HIPK2: variants seen among roughly 807,000 people sequenced by gnomAD.
HIPK2 encodes homeodomain interacting protein kinase 2, also known as homeodomain-interacting protein kinase 2.
A neutral mutation model predicts 113.7 loss-of-function variants in HIPK2; 27 were observed. The observed-to-expected ratio is 0.24, with a 90% CI of 0.17 to 0.33. The LOEUF (loss-of-function observed/expected upper bound fraction) is 0.33. Ranked by LOEUF, HIPK2 falls within the 10% of genes least tolerant of loss-of-function variation. The pLI is 1.00. For synonymous variants in HIPK2, 631 were observed against 642.2 expected (o/e 0.98, Z 0.26); for missense variants, 1,257 against 1,588.0 (o/e 0.79, Z 3.54).
At chr7:139,684,911 A>G (rs1341654181) in intron 2 of HIPK2, among the ~76,000 whole-genome samples, 2 of 152,242 alleles carry the variant, frequency 1.3e-5, no homozygotes, top group African/African-American at 2.4e-5. Flanking sequence ...AGATCCAACC[A>G]GCCACAACAC....
At chr7:139,577,128 A>G (rs2116495276) in intron 13 of HIPK2, among the ~76,000 whole-genome samples, 2 of 149,154 alleles carry the variant, frequency 1.3e-5, no homozygotes, top group South Asian at 4.3e-4. Flanking sequence ...TAGTGAGAAG[A>G]TACTGGGCTT....
chr7:139,704,528 C>T (rs1311519989), intron 2 of HIPK2, among the ~76,000 whole-genome samples: 2 of 151,588 alleles, frequency 1.3e-5, no homozygotes, highest in Non-Finnish European at 2.9e-5. Context: ...CCCAACACAC[C>T]CCCACACCCC....
At chr7:139,660,581 G>A (rs1479294948) in intron 2 of HIPK2, among the ~76,000 whole-genome samples, 2 of 152,172 alleles carry the variant, frequency 1.3e-5, no homozygotes, top group Non-Finnish European at 2.9e-5. Flanking sequence ...TATGGCCTGC[G>A]GGGCTTTGTT....
chr7:139,715,259 T>A (rs1795190556), intron 2 of HIPK2, among the ~76,000 whole-genome samples: 2 of 152,132 alleles, frequency 1.3e-5, no homozygotes, highest in Admixed American at 1.3e-4. Context: ...ACGGACACTA[T>A]CATTCCTCCC....
intron 2 of HIPK2, among the ~76,000 whole-genome samples, chr7:139,701,958 G>T (rs1260932334): frequency 6.6e-6 from 1 of 152,170 alleles, no homozygotes; most frequent in East Asian, 1.9e-4. Context: ...GCAGGCTGGG[G>T]CTACCCAGTA....
At chr7:139,614,834 T>C (rs1275372670) in intron 7 of HIPK2, among the ~76,000 whole-genome samples, 1 of 152,320 alleles carries the variant, frequency 6.6e-6, no homozygotes, top group East Asian at 1.9e-4. Context: ...TTTAATAAAA[T>C]GTTCTGCCTT....
intron 10 of HIPK2, among the ~76,000 whole-genome samples, chr7:139,601,230 G>C (rs1203677303): frequency 6.7e-6 from 1 of 148,304 alleles, no homozygotes; most frequent in Non-Finnish European, 1.5e-5. Flanking sequence ...GTGACAGAGC[G>C]AGACACTGTC....
At chr7:139,633,095 C>CAAAAAAAAAAAAAAAAAAAAAAAAAAA (rs942820284) in intron 2 of HIPK2, among the ~76,000 whole-genome samples, 1 of 74,610 alleles carries the variant, frequency 1.3e-5, no homozygotes, top group African/African-American at 4.5e-5. Context: ...GACCCTGTCT[C>CAAAAAAAAAAAAAAAAAAAAAAAAAAA]AAAAAAAAAA....
In HIPK2 at chr7:139,777,746, A is replaced by C; in HGVS notation, c.-123T>G. The stretch of plus-strand genomic sequence containing the variant: ...TGTGTCTCCGCTCTCGGCGCAGCCG[A>C]GGCCGCCCGCGCCCGCATCACCGCC... On this transcript the variant is annotated 5_prime_UTR_variant, in exon 1 of 15. Coordinates refer to ENST00000406875, the MANE Select transcript of HIPK2 (RefSeq NM_022740.5). 1.1e-6 allele frequency: 1 copy of C among 906,390 alleles called. No homozygotes were observed. The highest frequency in any genetic ancestry group is 1.3e-6 in the Non-Finnish European group (1 of 757,740). 56.1% of individuals were successfully genotyped at this position (906,390 alleles called of 1,614,324 possible). A position where few individuals can be genotyped will look rare whatever the true frequency, so the allele number is the denominator to read the frequency against.
intron 13 of HIPK2, among the ~76,000 whole-genome samples, chr7:139,577,854 C>T (rs1798541073): frequency 6.6e-6 from 1 of 151,908 alleles, no homozygotes; most frequent in Admixed American, 6.6e-5. Context: ...AGAAACAATA[C>T]TGATTTTTTT....
At chr7:139,581,704 G>T (rs935172424) in intron 13 of HIPK2, among the ~76,000 whole-genome samples, 3 of 152,210 alleles carry the variant, frequency 2.0e-5, no homozygotes, top group Admixed American at 6.5e-5. Context: ...GCTGAGGAAG[G>T]CTGCTTTCCC....
At chr7:139,734,465 C>A (rs1267263275) in intron 1 of HIPK2, among the ~76,000 whole-genome samples, 2 of 152,170 alleles carry the variant, frequency 1.3e-5, no homozygotes, top group Admixed American at 6.5e-5. Context: ...GGCCTAAGTG[C>A]CCCCATGGGA....
At chr7:139,709,737 G>C (rs1210815620) in intron 2 of HIPK2, among the ~76,000 whole-genome samples, 1 of 152,250 alleles carries the variant, frequency 6.6e-6, no homozygotes, top group Admixed American at 6.5e-5. Flanking sequence ...GCAGGGCTAG[G>C]ACTGGTGCTA....
intron 2 of HIPK2, among the ~76,000 whole-genome samples, chr7:139,704,024 CCCA>C (rs1298065522): frequency 1.6e-5 from 2 of 123,550 alleles, no homozygotes; most frequent in Non-Finnish European, 3.3e-5. Flanking sequence ...CCCCTCCACA[CCCA>C]CACTATATCC....
At chr7:139,651,133 CT>C (rs1224687513) in intron 2 of HIPK2, among the ~76,000 whole-genome samples, 3 of 152,198 alleles carry the variant, frequency 2.0e-5, no homozygotes, top group East Asian at 1.9e-4. Context: ...TCAGCACCCC[CT>C]GATACCCAAC....
At chr7:139,649,430 G>A (rs1801374888) in intron 2 of HIPK2, among the ~76,000 whole-genome samples, 1 of 152,172 alleles carries the variant, frequency 6.6e-6, no homozygotes, top group Non-Finnish European at 1.5e-5. Flanking sequence ...ATTTTCCTAG[G>A]GGAAAACACA....
At chr7:139,777,452 C>G (rs1178491479) in intron 1 of HIPK2, 153 bp downstream of exon 1, 1 of 171,466 alleles carries the variant, frequency 5.8e-6, no homozygotes, top group Non-Finnish European at 1.2e-5. Context: ...CGGTCATCTT[C>G]CGGGCGAGGG....
In HIPK2 at chr7:139,621,135, T is replaced by C. The variant is rs375395834; in HGVS notation, c.1620-572A>G. Among the ~76,000 whole-genome samples, 50 of 152,328 alleles carry C rather than the reference T, an allele frequency of 3.3e-4. No homozygotes were observed. The South Asian group carries it at 0.01, about 32-fold the overall frequency. ...TAGGTAATGGAAACAGTAATAATAC[T>C]AATAATTAATAATAGTGGTTAACAT... is the stretch of plus-strand genomic sequence containing the variant. On this transcript the variant is annotated intron_variant, in intron 6 of 14. Transcript: ENST00000406875.
intron 1 of HIPK2, among the ~76,000 whole-genome samples, chr7:139,754,087 C>G (rs1467265847): frequency 6.6e-6 from 1 of 152,224 alleles, no homozygotes; most frequent in Non-Finnish European, 1.5e-5. Flanking sequence ...AGGCTGCTAT[C>G]TGCTCCAATT....
Sources: gnomAD v4.1 joint callset for allele counts (sites outside exome capture counted in the v4.1 genomes callset) on GRCh38, gnomAD v4.1.1 for gene constraint, MANE v1.5 for transcripts, NCBI Gene and HGNC (gene_info 2026-07-23, HGNC 2026-07-21) for gene names.